Variants in HS3ST4 observed in about 807,000 individuals in gnomAD.
HS3ST4 encodes heparan sulfate-glucosamine 3-sulfotransferase 4.
Under a neutral mutation model 29.2 loss-of-function variants are expected in HS3ST4, and 17 were observed. The observed-to-expected ratio is 0.58, with a 90% confidence interval of 0.40 to 0.87. The LOEUF (loss-of-function observed/expected upper bound fraction) is 0.87. HS3ST4 is among the 40% of genes least tolerant of loss of function. The pLI is 0.00. For missense variants in HS3ST4, 627 were observed against 634.5 expected (o/e 0.99, Z 0.13); for synonymous variants, 314 against 285.7 (o/e 1.10, Z -1.00).
chr16:25,948,962 G>A (rs1257081075), intron 1 of HS3ST4, among the ~76,000 whole-genome samples: 2 of 152,154 alleles, frequency 1.3e-5, no homozygotes, highest in Admixed American at 6.5e-5. Flanking sequence ...CTAACAATCA[G>A]CCCAGAGACT....
At position 26,136,404 on chromosome 16, in the gene HS3ST4, G is replaced by C. The variant is rs1898284748; in HGVS notation, c.*156G>C. Reference sequence around the variant, plus strand: ...GATTGCCTCCAGTGCTGTTAGCTTAGGCAAACAGGTGGATCCCATGGCATC... The same window carrying C: ...GATTGCCTCCAGTGCTGTTAGCTTACGCAAACAGGTGGATCCCATGGCATC... On this transcript the variant is annotated 3_prime_UTR_variant, in exon 2 of 2. Transcript: ENST00000331351. 9 of 712,744 alleles carry C rather than the reference G, an allele frequency of 1.3e-5. No individual in the cohort carries two copies. In the South Asian group the frequency reaches 1.7e-4, roughly 14 times the overall value. 44.2% of individuals were successfully genotyped at this position (712,744 alleles called of 1,614,324 possible).
intron 1 of HS3ST4, among the ~76,000 whole-genome samples, chr16:26,124,132 T>C (rs8048618): frequency 0.41 from 62,121 of 151,822 alleles, 13,950 homozygotes; most frequent in African/African-American, 0.6. Flanking sequence ...GTGAGTCAGG[T>C]TGGTCTTGAA....
chr16:25,831,157 C>T lies in HS3ST4; in HGVS notation c.734+138006C>T, dbSNP rs184720597. The stretch of plus-strand genomic sequence containing the variant: ...AGTTTTGCCTCAAATGTCATCTCTT[C>T]AGAGAAGTGTTCCCTCACCACCCCA... On this transcript the variant is annotated intron_variant, in intron 1 of 1. Coordinates refer to ENST00000331351, the MANE Select transcript of HS3ST4 (RefSeq NM_006040.3). 4.1e-3 allele frequency among the ~76,000 whole-genome samples: 632 copies of T among 152,296 alleles called. 2 individuals carry two copies. The highest frequency in any genetic ancestry group is 6.1e-3 in the Non-Finnish European group (413 of 68,034).
At chr16:26,001,747 T>C (rs1464129425) in intron 1 of HS3ST4, among the ~76,000 whole-genome samples, 1 of 152,146 alleles carries the variant, frequency 6.6e-6, no homozygotes, top group Non-Finnish European at 1.5e-5. Context: ...GCACCTACTG[T>C]AACATTTTCT....
At chr16:25,896,697 G>A (rs1450497265) in intron 1 of HS3ST4, among the ~76,000 whole-genome samples, 1 of 152,178 alleles carries the variant, frequency 6.6e-6, no homozygotes, top group African/African-American at 2.4e-5. Flanking sequence ...GCACCCGTAT[G>A]TTCATTGCAG....
At chr16:25,908,348 G>T (rs1035707557) in intron 1 of HS3ST4, among the ~76,000 whole-genome samples, 1 of 152,198 alleles carries the variant, frequency 6.6e-6, no homozygotes, top group African/African-American at 2.4e-5. Context: ...AAAAGATGTG[G>T]TGTTGAAGGT....
At chr16:26,016,883 T>G (rs1477939279) in intron 1 of HS3ST4, among the ~76,000 whole-genome samples, 1 of 152,218 alleles carries the variant, frequency 6.6e-6, no homozygotes, top group Admixed American at 6.5e-5. Flanking sequence ...TCCTTAGAGT[T>G]AGACAGAGCC....
At chr16:25,836,501 A>AT (rs1967357485) in intron 1 of HS3ST4, among the ~76,000 whole-genome samples, 1 of 152,222 alleles carries the variant, frequency 6.6e-6, no homozygotes, top group African/African-American at 2.4e-5. Flanking sequence ...CAACAGGAAC[A>AT]TTTTTACAAA....
intron 1 of HS3ST4, among the ~76,000 whole-genome samples, chr16:26,023,882 T>G (rs1462368748): frequency 6.6e-6 from 1 of 152,228 alleles, no homozygotes; most frequent in Non-Finnish European, 1.5e-5. Flanking sequence ...AGATTGAGTC[T>G]CAGTGTCCTC....
At chr16:25,889,180 A>T (rs1192653435) in intron 1 of HS3ST4, among the ~76,000 whole-genome samples, 1 of 152,250 alleles carries the variant, frequency 6.6e-6, no homozygotes, top group Non-Finnish European at 1.5e-5. Flanking sequence ...AGTGCTCCGC[A>T]GCAGATAGCA....
chr16:26,042,079 G>A (rs1165892731), intron 1 of HS3ST4, among the ~76,000 whole-genome samples: 1 of 152,102 alleles, frequency 6.6e-6, no homozygotes, highest in African/African-American at 2.4e-5. Flanking sequence ...AAGCAGAACT[G>A]GCTCTTATTC....
At chr16:25,885,411 C>T (rs2141666015) in intron 1 of HS3ST4, among the ~76,000 whole-genome samples, 1 of 152,240 alleles carries the variant, frequency 6.6e-6, no homozygotes, top group Admixed American at 6.5e-5. Flanking sequence ...GTTTCTAAAA[C>T]CCTCTAGGAA....
At chr16:25,931,357 C>T (rs1968461355) in intron 1 of HS3ST4, among the ~76,000 whole-genome samples, 1 of 152,224 alleles carries the variant, frequency 6.6e-6, no homozygotes, top group African/African-American at 2.4e-5. Context: ...GAATGTCCCC[C>T]TGACCTTGCC....
chr16:25,693,122 G>T lies in HS3ST4; in HGVS notation c.705G>T (p.Arg235Ser). 6.2e-7 allele frequency: 1 copy of T among 1,608,698 alleles called. No individual in the cohort carries two copies. Among genetic ancestry groups the T allele is most frequent in the East Asian group, 2.2e-5 (1 of 44,536 alleles). ...AVGVEPHFFD[R>S]NYEKGLEWYR... Reference sequence around the variant, plus strand: ...GCGTAGAGCCGCACTTCTTCGACAGGAACTACGAAAAGGGGTTGGAGTGGT... The same window carrying T: ...GCGTAGAGCCGCACTTCTTCGACAGTAACTACGAAAAGGGGTTGGAGTGGT... The change falls in exon 1 of 2, where the codon AGG (arginine) becomes AGT (serine). Residue 235 changes from arginine (R) to serine (S), a missense_variant. By Grantham distance (110) the Arg-to-Ser change is moderately radical. Transcript: ENST00000331351.
intron 1 of HS3ST4, among the ~76,000 whole-genome samples, chr16:25,775,390 C>G (rs1966846670): frequency 6.6e-6 from 1 of 152,224 alleles, no homozygotes; most frequent in Non-Finnish European, 1.5e-5. Context: ...TAAAAGACAT[C>G]AGGGCTTGTT....
In HS3ST4 at chr16:25,853,312, G is replaced by GTATA. The variant is rs57953638; in HGVS notation, c.734+160177_734+160180dup. 1.7e-3 allele frequency among the ~76,000 whole-genome samples: 156 copies of GTATA among 91,634 alleles called. 1 individual carries two copies. The highest frequency in any genetic ancestry group is 5.0e-3 in the Middle Eastern group (1 of 202). The allele number at this position is 91,634 out of a possible 152,430, so 60.1% of individuals were successfully genotyped here. A position where few individuals can be genotyped will look rare whatever the true frequency, so the allele number is the denominator to read the frequency against. ...TCTTTGTGAGTGTGTGTGTGTGTGT[G>GTATA]TATATATATATATATATATTCCTCT... On this transcript the variant is annotated intron_variant, in intron 1 of 1. Transcript: ENST00000331351.
chr16:25,737,624 T>A (rs1307822972), intron 1 of HS3ST4, among the ~76,000 whole-genome samples: 1 of 152,130 alleles, frequency 6.6e-6, no homozygotes, highest in African/African-American at 2.4e-5. Context: ...GAGATATTAC[T>A]TACTGGGTAC....
At chr16:26,065,967 C>G in intron 1 of HS3ST4, among the ~76,000 whole-genome samples, 1 of 152,314 alleles carries the variant, frequency 6.6e-6, no homozygotes, top group Middle Eastern at 3.4e-3. Flanking sequence ...GTCTACATCA[C>G]GTATACGTTA....
chr16:25,826,757 G>A (rs1967220742), intron 1 of HS3ST4, among the ~76,000 whole-genome samples: 1 of 152,260 alleles, frequency 6.6e-6, no homozygotes. Context: ...TGGCTGAAGG[G>A]AGGCATGATT....
Sources: gnomAD v4.1 joint callset for allele counts (sites outside exome capture counted in the v4.1 genomes callset) on GRCh38, gnomAD v4.1.1 for gene constraint, MANE v1.5 for transcripts, NCBI Gene and HGNC (gene_info 2026-07-23, HGNC 2026-07-21) for gene names.